The following KIAA1217 variants were observed in gnomAD, a reference collection of about 807,000 sequenced individuals.
KIAA1217 encodes the protein KIAA1217.
Under a neutral mutation model 163.9 loss-of-function variants are expected in KIAA1217, and 88 were observed. That is an observed-to-expected ratio of 0.54 (90% CI 0.45 to 0.64). The LOEUF (loss-of-function observed/expected upper bound fraction) is 0.64. Ranked by LOEUF, KIAA1217 falls within the 30% of genes least tolerant of loss-of-function variation. The pLI is 0.00. For missense variants in KIAA1217, 2,372 were observed against 2,475.0 expected, an observed-to-expected ratio of 0.96 and a Z score of 0.88; for synonymous variants, 903 against 923.1, an observed-to-expected ratio of 0.98 and a Z score of 0.39.
At chr10:24,386,643 A>T (rs61848128) in intron 3 of KIAA1217, among the ~76,000 whole-genome samples, 17,670 of 152,208 alleles carry the variant, frequency 0.12, 1,141 homozygotes, top group South Asian at 0.3. Context: ...GCACAAACAT[A>T]GCTCACTGCA....
At chr10:24,147,832 CAAAAAAAAAAAAAAAAAA>C (rs1176106711) in intron 2 of KIAA1217, among the ~76,000 whole-genome samples, 2 of 20,772 alleles carry the variant, frequency 9.6e-5, no homozygotes, top group Admixed American at 8.2e-4. Context: ...TACTCTGTCT[CAAAAAAAAAAAAAAAAAA>C]AAAAAAAAAA....
chr10:24,446,738 T>A (rs1440097413), intron 5 of KIAA1217, among the ~76,000 whole-genome samples: 1 of 152,206 alleles, frequency 6.6e-6, no homozygotes, highest in Non-Finnish European at 1.5e-5. Context: ...TTGCTTGTAT[T>A]TACTGCCATT....
At chr10:23,994,490 T>C (rs150209356) in intron 1 of KIAA1217, among the ~76,000 whole-genome samples, 82 of 152,314 alleles carry the variant, frequency 5.4e-4, no homozygotes, top group Non-Finnish European at 1.1e-3. Flanking sequence ...CCTTTCTTTC[T>C]ACTACCCAGG....
At chr10:23,886,844 T>TG (rs1275106526) in intron 1 of KIAA1217, among the ~76,000 whole-genome samples, 1 of 151,920 alleles carries the variant, frequency 6.6e-6, no homozygotes, top group Non-Finnish European at 1.5e-5. Flanking sequence ...TGACTTTTTT[T>TG]TTTTTTAACT....
upstream of KIAA1217, among the ~76,000 whole-genome samples, chr10:24,206,115 G>A (rs1029559645): frequency 5.9e-5 from 9 of 152,126 alleles, no homozygotes; most frequent in Non-Finnish European, 1.0e-4. Context: ...AAATAGTCTT[G>A]CACCTTTCCC....
chr10:24,134,557 A>T (rs1165721776), intron 2 of KIAA1217, among the ~76,000 whole-genome samples: 1 of 152,088 alleles, frequency 6.6e-6, no homozygotes, highest in African/African-American at 2.4e-5. Flanking sequence ...CATAGTGTCC[A>T]TGGAGGTATT....
intron 2 of KIAA1217, among the ~76,000 whole-genome samples, chr10:24,063,181 T>C (rs1205225733): frequency 6.6e-6 from 1 of 152,292 alleles, no homozygotes; most frequent in East Asian, 1.9e-4. Context: ...TTGTTGCCAT[T>C]GCTTTTGGTG....
chr10:24,367,055 T>G, intron 2 of KIAA1217: 2 of 583,284 alleles, frequency 3.4e-6, no homozygotes, highest in Non-Finnish European at 4.3e-6. Context: ...AACCTATTCT[T>G]TTTCTCTTCA....
intron 1 of KIAA1217, among the ~76,000 whole-genome samples, chr10:24,214,450 C>T (rs774216990): frequency 4.6e-5 from 7 of 151,988 alleles, no homozygotes; most frequent in Non-Finnish European, 1.0e-4. Context: ...TTCAACTGGC[C>T]AAAGAGTAAA....
chr10:23,996,119 T>C (rs1846468550), intron 1 of KIAA1217, among the ~76,000 whole-genome samples: 1 of 152,140 alleles, frequency 6.6e-6, no homozygotes, highest in Non-Finnish European at 1.5e-5. Flanking sequence ...TGCCTCCCTT[T>C]TTTGCCCACT....
At chr10:24,064,153 C>T (rs2060843425) in intron 2 of KIAA1217, among the ~76,000 whole-genome samples, 2 of 152,122 alleles carry the variant, frequency 1.3e-5, no homozygotes, top group Admixed American at 6.6e-5. Context: ...TGCCTGATTG[C>T]CCTGGCCAGA....
chr10:23,931,686 C>G (rs1843257688), intron 1 of KIAA1217, among the ~76,000 whole-genome samples: 1 of 152,154 alleles, frequency 6.6e-6, no homozygotes, highest in Non-Finnish European at 1.5e-5. Context: ...CAAACGAGCC[C>G]CACTTTCCTT....
At chr10:24,464,460 G>C (rs747795054) in intron 5 of KIAA1217, among the ~76,000 whole-genome samples, 7 of 152,102 alleles carry the variant, frequency 4.6e-5, no homozygotes, top group Non-Finnish European at 7.4e-5. Context: ...TAGCGTAATG[G>C]ACATGGTTTC....
chr10:24,185,394 C>T (rs2066378563), intron 2 of KIAA1217, among the ~76,000 whole-genome samples: 1 of 152,080 alleles, frequency 6.6e-6, no homozygotes, highest in Admixed American at 6.6e-5. Context: ...TTTGTTGTAA[C>T]TATCTGTTAT....
intron 2 of KIAA1217, among the ~76,000 whole-genome samples, chr10:24,068,948 T>C (rs1424839503): frequency 6.6e-6 from 1 of 152,226 alleles, no homozygotes; most frequent in African/African-American, 2.4e-5. Flanking sequence ...TGTAGAATTA[T>C]CTAGGTCCCA....
chr10:23,856,346 G>C (rs1190680890), intron 1 of KIAA1217, among the ~76,000 whole-genome samples: 1 of 152,232 alleles, frequency 6.6e-6, no homozygotes, highest in Admixed American at 6.5e-5. Flanking sequence ...AACCGCGAAT[G>C]CTGCTGTCTG....
In KIAA1217 at chr10:24,381,049, A is replaced by G. The variant is rs780497334; in HGVS notation, c.535A>G (p.Thr179Ala). ...SLPVVRSTNQ[T>A]KERSLGVLYL... ...TCCTGTGGTGAGGTCAACCAACCAG[A>G]CGAAAGAAAGATCTCTGGGTAAGCT... The change falls in exon 3 of 21, where the codon ACG (threonine) becomes GCG (alanine). Residue 179 changes from threonine (T) to alanine (A), a missense_variant. By Grantham distance (58) the Thr-to-Ala change is moderately conservative. This residue lies in a region of KIAA1217 where 1,431 missense variants were observed against 1,470.3 expected (regional missense o/e 0.97). Coordinates refer to ENST00000376454, the MANE Select transcript of KIAA1217 (RefSeq NM_019590.5). 5 of 1,569,898 alleles carry G rather than the reference A, an allele frequency of 3.2e-6. No homozygotes were observed. The South Asian group carries it at 3.6e-5, about 11-fold the overall frequency.
chr10:24,317,410 C>T (rs1399053140), intron 2 of KIAA1217, among the ~76,000 whole-genome samples: 1 of 152,164 alleles, frequency 6.6e-6, no homozygotes, highest in East Asian at 1.9e-4. Flanking sequence ...TGCACCACCA[C>T]ACCCAGCTTA....
chr10:24,290,565 G>C (rs2078990153), intron 2 of KIAA1217, among the ~76,000 whole-genome samples: 1 of 151,108 alleles, frequency 6.6e-6, no homozygotes, highest in Non-Finnish European at 1.5e-5. Context: ...TAATGCAACA[G>C]GAAGAGAGTT....
Sources: gnomAD v4.1 joint callset for allele counts (sites outside exome capture counted in the v4.1 genomes callset) on GRCh38, gnomAD v4.1.1 for gene constraint, gnomAD v4.1.1 regional missense constraint, MANE v1.5 for transcripts, NCBI Gene and HGNC (gene_info 2026-07-23, HGNC 2026-07-21) for gene names.